The following HEATR1 variants were observed in gnomAD, a reference collection of about 807,000 sequenced individuals.
HEATR1 encodes the protein HEAT repeat-containing protein 1.
HEATR1 carries 77 observed loss-of-function variants against 248.2 expected under a neutral mutation model. The ratio of observed to expected loss-of-function variants is 0.31; its 90% confidence interval spans 0.26 to 0.37. HEATR1 has a LOEUF of 0.37. Ranked by LOEUF, HEATR1 falls within the 10% of genes least tolerant of loss-of-function variation. The probability of loss-of-function intolerance (pLI) is 1.00; values close to 1 mark genes in which losing one functional copy is unlikely to be tolerated. For synonymous variants in HEATR1, 897 were observed against 923.1 expected (o/e 0.97, Z 0.51); for missense variants, 2,420 against 2,504.9 (o/e 0.97, Z 0.72).
intron 20 of HEATR1, among the ~76,000 whole-genome samples, chr1:236,580,824 A>ATTTTTTTTTTTTTTT (rs71178327): frequency 3.2e-5 from 4 of 126,648 alleles, no homozygotes; most frequent in Non-Finnish European, 4.8e-5. Context: ...GCCTTTATCG[A>ATTTTTTTTTTTTTTT]TTTTTTTTTT....
chr1:236,577,878 T>G (rs1459568099), intron 20 of HEATR1, among the ~76,000 whole-genome samples: 1 of 152,032 alleles, frequency 6.6e-6, no homozygotes, highest in Admixed American at 6.5e-5. Flanking sequence ...GTTTCTATTC[T>G]TTTGTCATCA....
rs1663885959 is a variant in HEATR1, at chr1:236,586,422, T to C, written c.1746A>G (p.Ile582Met). The change falls in exon 15 of 45, where the codon ATA becomes ATG. Residue 582 changes from isoleucine to methionine, a missense_variant. Transcript: ENST00000366582. ...CACTCAGTATCTCTTCTTTAATTAA[T>C]ATGTCAGCGGCTATCTTAAGTACCT... ...WYEVLKIAAD[I>M]LIKEEILSEN... The C allele has an allele frequency of 6.2e-7, 1 of 1,612,706 alleles. No homozygotes were observed. The highest frequency in any genetic ancestry group is 8.5e-7 in the Non-Finnish European group (1 of 1,178,906).
In HEATR1 at chr1:236,558,290, G is replaced by A; in HGVS notation, c.5151C>T (p.Cys1717=). Residue 1717 remains cysteine (C), a synonymous_variant, in exon 36 of 45, where the codon TGC becomes TGT. Transcript: ENST00000366582. ...CCAGGGTGGAGGTCACCTCTGCTAT[G>A]CACAGCAGCGCGCTTCCCAGGACAT... ...EKNVLGSALL[C]IAEVTSTLEA... The A allele has an allele frequency of 6.2e-7, 1 of 1,614,214 alleles. No individual in the cohort carries two copies. Among genetic ancestry groups the A allele is most frequent in the Non-Finnish European group, 8.5e-7 (1 of 1,180,040 alleles).
At position 236,586,232 on chromosome 1, in the gene HEATR1, A is replaced by AT. The variant is rs758625951; in HGVS notation, c.1927+8dup. On this transcript the variant is annotated intron_variant, in intron 15 of 44. Coordinates refer to ENST00000366582, the MANE Select transcript of HEATR1 (RefSeq NM_018072.6). ...TCACTTTTTCTAAAAAAACAACTGAATTTTTTACCTTCTTCCCAGCCTCTT... is the reference window on the plus strand; with the variant it reads ...TCACTTTTTCTAAAAAAACAACTGAATTTTTTTACCTTCTTCCCAGCCTCTT... 9.5e-6 allele frequency: 15 copies of AT among 1,585,034 alleles called. No homozygotes were observed. Among genetic ancestry groups the AT allele is most frequent in the Non-Finnish European group, 1.2e-5 (14 of 1,167,428 alleles).
Position 236,603,944 on chromosome 1 carries a change from G to T in HEATR1, c.142+10C>A. Reference sequence around the variant, plus strand: ...TTCCAAGAGCTTTTCTAAGTTAAAAGATGGCTCACCAATGGCGAAGGCGGT... The same window carrying T: ...TTCCAAGAGCTTTTCTAAGTTAAAATATGGCTCACCAATGGCGAAGGCGGT... On this transcript the variant is annotated intron_variant, in intron 2 of 44. Coordinates refer to ENST00000366582, the MANE Select transcript of HEATR1 (RefSeq NM_018072.6). 6.3e-7 allele frequency: 1 copy of T among 1,582,650 alleles called. No individual in the cohort carries two copies. Among genetic ancestry groups the T allele is most frequent in the South Asian group, 1.2e-5 (1 of 85,348 alleles).
intron 3 of HEATR1, among the ~76,000 whole-genome samples, chr1:236,601,983 CA>C (rs199934438): frequency 0.014 from 1,981 of 146,366 alleles, 17 homozygotes; most frequent in Non-Finnish European, 0.023. Context: ...AAAAAAAATA[CA>C]AAAAATTAAC....
intron 5 of HEATR1, 126 bp downstream of exon 5, chr1:236,597,751 CA>C: frequency 1.7e-6 from 1 of 576,134 alleles, no homozygotes; most frequent in East Asian, 3.0e-5. Context: ...TTCAAAACAC[CA>C]GACCATTTAA....
Position 236,595,865 on chromosome 1 carries a change from CAGG to C in HEATR1, c.921_923del (p.Leu308del). ...CAAGGCTCTCTGGCTTCTGTCTCTG[CAGG>C]AGCACTATCAAGCAACTTAACCCAT... is the stretch of plus-strand genomic sequence containing the variant. On this transcript the variant is annotated inframe_deletion, in exon 7 of 45. Coordinates refer to ENST00000366582, the MANE Select transcript of HEATR1 (RefSeq NM_018072.6). The C allele has an allele frequency of 6.2e-7, 1 of 1,613,996 alleles. No homozygotes were observed. The highest frequency in any genetic ancestry group is 8.5e-7 in the Non-Finnish European group (1 of 1,179,908).
In HEATR1 at chr1:236,571,706, G is replaced by C; in HGVS notation, c.3708-20C>G. 1.3e-6 allele frequency: 2 copies of C among 1,502,406 alleles called. No individual in the cohort carries two copies. Among genetic ancestry groups the C allele is most frequent in the Non-Finnish European group, 1.9e-6 (2 of 1,078,970 alleles). The allele number at this position is 1,502,406 out of a possible 1,614,324, so 93.1% of individuals were successfully genotyped here. A position where few individuals can be genotyped will look rare whatever the true frequency, so the allele number is the denominator to read the frequency against. ...AAACATCTTCAGGACACCCAAAAGA[G>C]AAATGATGGGAAATGTAAAAGTTGT... On this transcript the variant is annotated intron_variant, in intron 26 of 44. Transcript: ENST00000366582.
At chr1:236,595,133 A>C (rs1664137097) in intron 8 of HEATR1, among the ~76,000 whole-genome samples, 1 of 152,110 alleles carries the variant, frequency 6.6e-6, no homozygotes, top group African/African-American at 2.4e-5. Context: ...TCTTGGTCTT[A>C]TATTTTTAAT....
intron 3 of HEATR1, chr1:236,602,944 G>A (rs1206209782): frequency 1.8e-6 from 1 of 550,124 alleles, no homozygotes. Flanking sequence ...AATGAGGTTA[G>A]ACCATTTACT....
chr1:236,554,285 G>T (rs932568964), intron 42 of HEATR1, among the ~76,000 whole-genome samples: 1 of 151,958 alleles, frequency 6.6e-6, no homozygotes, highest in East Asian at 1.9e-4. Flanking sequence ...CCAGCTATTC[G>T]GGAGGCTGAG....
intron 32 of HEATR1, among the ~76,000 whole-genome samples, chr1:236,562,082 T>C (rs1272207068): frequency 6.6e-6 from 1 of 152,216 alleles, no homozygotes; most frequent in Admixed American, 6.5e-5. Context: ...ACCCAATCCC[T>C]GGTACTAACG....
At position 236,587,481 on chromosome 1, in the gene HEATR1, C is replaced by A; in HGVS notation, c.1636G>T (p.Glu546Ter). The A allele has an allele frequency of 6.7e-7, 1 of 1,495,374 alleles. No individual in the cohort carries two copies. Among genetic ancestry groups the A allele is most frequent in the Non-Finnish European group, 9.0e-7 (1 of 1,109,544 alleles). 92.6% of individuals were successfully genotyped at this position (1,495,374 alleles called of 1,614,324 possible). ...ATCGTCACTTCTGAACTGAAGTGTT[C>A]TTTGAAAATCTAAAGGGAAAAAAAT... Reference protein sequence around the residue: ...SAISAFEIFKEHFSSEVTISN... With the variant: ...SAISAFEIFK Residue 546 changes from glutamate to a stop codon, truncating the protein, a stop_gained, in exon 14 of 45, where the codon GAA becomes TAA. Transcript: ENST00000366582. LOFTEE classifies it high-confidence loss of function.
At chr1:236,594,857 G>A (rs1664129948) in intron 8 of HEATR1, among the ~76,000 whole-genome samples, 1 of 152,072 alleles carries the variant, frequency 6.6e-6, no homozygotes, top group Admixed American at 6.5e-5. Context: ...AACTGCAGTG[G>A]CACAAACACA....
chr1:236,561,295 T>G (rs1198338908), intron 32 of HEATR1, 24 bp from the exon 33 acceptor site: 2 of 1,583,484 alleles, frequency 1.3e-6, no homozygotes, highest in South Asian at 2.2e-5. Flanking sequence ...AAGACGTCAT[T>G]AGAACGGTAG....
intron 31 of HEATR1, 38 bp from the exon 32 acceptor site, chr1:236,564,699 C>T (rs761176792): frequency 1.4e-5 from 22 of 1,573,498 alleles, no homozygotes; most frequent in African/African-American, 2.7e-5. Flanking sequence ...TACTCATTTT[C>T]ACCTGAATCC....
intron 1 of HEATR1, 145 bp downstream of exon 1, chr1:236,604,277 G>A (rs2102804847): frequency 5.4e-6 from 3 of 557,670 alleles, no homozygotes; most frequent in South Asian, 6.4e-5. Context: ...GACGATGGCA[G>A]CAGCGTTAAC....
At chr1:236,588,069 T>C in intron 12 of HEATR1, 26 bp from the exon 13 acceptor site, 1 of 1,569,602 alleles carries the variant, frequency 6.4e-7, no homozygotes, top group Non-Finnish European at 8.7e-7. Flanking sequence ...AAAACATTAA[T>C]TTAGCTGTTG....
Sources: allele counts gnomAD v4.1 joint callset (sites outside exome capture counted in the v4.1 genomes callset), GRCh38; gene constraint gnomAD v4.1.1; transcripts MANE v1.5; gene names NCBI Gene and HGNC (gene_info 2026-07-23, HGNC 2026-07-21).